DLGAP2: variants seen among roughly 807,000 people sequenced by gnomAD.
DLGAP2 encodes DLG associated protein 2.
Under a neutral mutation model 100.3 loss-of-function variants are expected in DLGAP2, and 26 were observed. The ratio of observed to expected loss-of-function variants is 0.26; its 90% CI spans 0.19 to 0.36. The LOEUF (loss-of-function observed/expected upper bound fraction) is 0.36. DLGAP2 is among the 10% of genes least tolerant of loss of function. The pLI is 1.00. For missense variants in DLGAP2, 1,858 were observed against 1,453.2 expected (o/e 1.28, Z -4.53); for synonymous variants, 886 against 630.1 (o/e 1.41, Z -6.08).
intron 8 of DLGAP2, among the ~76,000 whole-genome samples, chr8:1,638,077 A>G (rs1797811583): frequency 6.6e-6 from 1 of 152,194 alleles, no homozygotes; most frequent in Non-Finnish European, 1.5e-5. Context: ...GATGGGGGAC[A>G]TGAGCTGAGA....
chr8:1,386,798 G>A (rs144912440), intron 3 of DLGAP2, among the ~76,000 whole-genome samples: 1 of 152,078 alleles, frequency 6.6e-6, no homozygotes, highest in Non-Finnish European at 1.5e-5. Context: ...AAGAAAAAAA[G>A]GATTGATTTT....
intron 2 of DLGAP2, among the ~76,000 whole-genome samples, chr8:1,172,748 C>T (rs1797156430): frequency 6.6e-6 from 1 of 152,174 alleles, no homozygotes; most frequent in South Asian, 2.1e-4. Context: ...CTCCTTTAAG[C>T]ACTTCTCTGT....
At chr8:1,414,247 G>C (rs141492397) in intron 3 of DLGAP2, among the ~76,000 whole-genome samples, 2 of 152,226 alleles carry the variant, frequency 1.3e-5, no homozygotes, top group Admixed American at 6.5e-5. Context: ...GGGGTGTTCT[G>C]TGGACTCTTG....
At chr8:1,273,466 G>A (rs769623181) in intron 3 of DLGAP2, among the ~76,000 whole-genome samples, 5 of 152,182 alleles carry the variant, frequency 3.3e-5, no homozygotes, top group Admixed American at 6.5e-5. Flanking sequence ...TTAACTTGAC[G>A]AGTTTTATGC....
Position 1,098,590 on chromosome 8 carries a change from A to G in DLGAP2, c.74-160261A>G, listed in dbSNP as rs139598869. ...GCCACCCACAGACGCCGCGACCCAC[A>G]CCAGGCTCCCGGCCGCCCACGGGCG... On this transcript the variant is annotated intron_variant, in intron 2 of 14. Coordinates refer to ENST00000637795, the MANE Select transcript of DLGAP2 (RefSeq NM_001346810.2). Among the ~76,000 whole-genome samples the G allele has an allele frequency of 6.8e-3, 916 of 135,688 alleles. 12 individuals carry two copies. The highest frequency in any genetic ancestry group is 0.022 in the African/African-American group (739 of 33,904). 89.0% of individuals were successfully genotyped at this position (135,688 alleles called of 152,430 possible).
chr8:934,594 G>A (rs1799027047), intron 2 of DLGAP2, among the ~76,000 whole-genome samples: 1 of 152,186 alleles, frequency 6.6e-6, no homozygotes, highest in Non-Finnish European at 1.5e-5. Flanking sequence ...CTTCTGCGAG[G>A]AGGCGTGTGA....
At chr8:1,150,634 G>A (rs1191510751) in intron 2 of DLGAP2, among the ~76,000 whole-genome samples, 3 of 152,208 alleles carry the variant, frequency 2.0e-5, no homozygotes, top group African/African-American at 7.2e-5. Flanking sequence ...TCCATGCCCT[G>A]TTGACAGGAT....
intron 8 of DLGAP2, among the ~76,000 whole-genome samples, chr8:1,649,652 T>C (rs545621968): frequency 5.3e-5 from 8 of 152,326 alleles, no homozygotes; most frequent in African/African-American, 1.9e-4. Context: ...GAAATAGTTA[T>C]ATAGGAAGGA....
At chr8:804,452 G>A (rs957238816) in intron 1 of DLGAP2, among the ~76,000 whole-genome samples, 5 of 152,164 alleles carry the variant, frequency 3.3e-5, no homozygotes, top group Non-Finnish European at 7.3e-5. Context: ...TCTGTTTCGA[G>A]GAGATCTTGG....
intron 3 of DLGAP2, among the ~76,000 whole-genome samples, chr8:1,340,798 G>A (rs1253646826): frequency 6.6e-6 from 1 of 152,204 alleles, no homozygotes; most frequent in Admixed American, 6.5e-5. Context: ...GTTCACTGCA[G>A]CACAGTTCAC....
chr8:1,027,630 C>T (rs1330670842), intron 2 of DLGAP2, among the ~76,000 whole-genome samples: 2 of 138,506 alleles, frequency 1.4e-5, no homozygotes, highest in African/African-American at 5.5e-5. Context: ...GTCAGGCGCC[C>T]GTTATTCTCC....
chr8:911,822 C>T (rs193288416), intron 2 of DLGAP2, among the ~76,000 whole-genome samples: 8 of 152,324 alleles, frequency 5.3e-5, no homozygotes, highest in Admixed American at 4.6e-4. Flanking sequence ...CTGGAGAACA[C>T]ATCAGAAGCC....
intron 1 of DLGAP2, among the ~76,000 whole-genome samples, chr8:831,153 C>T (rs1245823732): frequency 1.3e-5 from 2 of 151,512 alleles, no homozygotes; most frequent in African/African-American, 2.4e-5. Context: ...TGGCCTTGGC[C>T]TCCCAAAGTG....
At chr8:997,272 A>T (rs1011913707) in intron 2 of DLGAP2, among the ~76,000 whole-genome samples, 2 of 152,260 alleles carry the variant, frequency 1.3e-5, no homozygotes, top group African/African-American at 4.8e-5. Flanking sequence ...GAATTAAAAT[A>T]TTGAAATTAA....
chr8:1,512,085 T>C (rs897992143), intron 4 of DLGAP2, among the ~76,000 whole-genome samples: 1 of 152,178 alleles, frequency 6.6e-6, no homozygotes, highest in Non-Finnish European at 1.5e-5. Context: ...TCAGCCCAGG[T>C]AGGCAGGGCT....
intron 2 of DLGAP2, among the ~76,000 whole-genome samples, chr8:919,772 G>T (rs547372604): frequency 2.6e-5 from 4 of 152,204 alleles, no homozygotes; most frequent in Admixed American, 6.5e-5. Context: ...TTCCTCTGCA[G>T]GACACAGAAG....
At chr8:1,180,430 C>G (rs1373763772) in intron 2 of DLGAP2, among the ~76,000 whole-genome samples, 1 of 152,242 alleles carries the variant, frequency 6.6e-6, no homozygotes, top group Non-Finnish European at 1.5e-5. Context: ...GTCTTGAGCT[C>G]AAGCAGTCCT....
chr8:1,106,234 A>G (rs13256892), intron 2 of DLGAP2, among the ~76,000 whole-genome samples: 1 of 149,014 alleles, frequency 6.7e-6, no homozygotes, highest in African/African-American at 2.5e-5. Flanking sequence ...GAAGGGAACC[A>G]TTCTAGGAGG....
rs1468442711 is a variant in DLGAP2 at position 1,245,082 on chromosome 8, G to C, written c.74-13769G>C. Among the ~76,000 whole-genome samples the C allele has an allele frequency of 2.0e-5, 3 of 152,180 alleles. No individual in the cohort carries two copies. The East Asian group carries it at 5.8e-4, about 29-fold the overall frequency. On this transcript the variant is annotated intron_variant, in intron 2 of 14. Transcript: ENST00000637795. The stretch of plus-strand genomic sequence containing the variant: ...GTGTTAGGATGGCCATAATGGCAGA[G>C]ACAGACAATCGTAAGTGCTGGCAAG...
Sources: allele counts gnomAD v4.1 joint callset (sites outside exome capture counted in the v4.1 genomes callset), GRCh38; gene constraint gnomAD v4.1.1; transcripts MANE v1.5; gene names NCBI Gene and HGNC (gene_info 2026-07-23, HGNC 2026-07-21).